Variants in TMEM237 observed in about 807,000 individuals in gnomAD.
TMEM237 encodes amyotrophic lateral sclerosis 2 (juvenile) chromosome region, candidate 4.
In TMEM237, 51 loss-of-function variants were observed where a neutral mutation model predicts 59.1. That is an observed-to-expected ratio of 0.86 (90% CI 0.69 to 1.09). The LOEUF is 1.09. Ranked by LOEUF, TMEM237 falls within the 50% of genes least tolerant of loss-of-function variation. The probability of loss-of-function intolerance (pLI) is 0.00; values close to 1 mark genes in which losing one functional copy is unlikely to be tolerated. For missense variants in TMEM237, 475 were observed against 478.3 expected, an observed-to-expected ratio of 0.99 and a Z score of 0.06; for synonymous variants, 140 against 166.1, an observed-to-expected ratio of 0.84 and a Z score of 1.21.
intron 4 of TMEM237, among the ~76,000 whole-genome samples, chr2:201,637,600 C>T (rs1178506275): frequency 2.0e-5 from 3 of 151,810 alleles, no homozygotes; most frequent in African/African-American, 4.8e-5. Context: ...AAAAATTAGC[C>T]GGGTGTAGTG....
In TMEM237 at chr2:201,632,298, G is replaced by A. The variant is rs546207986; in HGVS notation, c.396-90C>T. 7.9e-6 allele frequency: 11 copies of A among 1,394,306 alleles called. No individual in the cohort carries two copies. The African/African-American group carries it at 1.0e-4, about 13-fold the overall frequency. 86.4% of individuals were successfully genotyped at this position (1,394,306 alleles called of 1,614,324 possible). A position where few individuals can be genotyped will look rare whatever the true frequency, so the allele number is the denominator to read the frequency against. ...AACTAGCTATAAATATAATGGAAAGGGCCCTGGACTTGGAGTTAAGAAATG... is the reference window on the plus strand; with the variant it reads ...AACTAGCTATAAATATAATGGAAAGAGCCCTGGACTTGGAGTTAAGAAATG... On this transcript the variant is annotated intron_variant, in intron 6 of 12. Coordinates refer to ENST00000409883, the MANE Select transcript of TMEM237 (RefSeq NM_001044385.3).
At chr2:201,642,555 G>A in intron 1 of TMEM237, 2 of 1,585,338 alleles carry the variant, frequency 1.3e-6, no homozygotes, top group Non-Finnish European at 1.7e-6. Context: ...AAAGTAGGAC[G>A]GCTCAACTGA....
chr2:201,637,344 C>G (rs1009159043), intron 4 of TMEM237, among the ~76,000 whole-genome samples: 1 of 152,214 alleles, frequency 6.6e-6, no homozygotes, highest in Non-Finnish European at 1.5e-5. Flanking sequence ...TTATAAGTCT[C>G]TTCATTTGGT....
At chr2:201,640,021 T>C (rs1479760728) in intron 3 of TMEM237, among the ~76,000 whole-genome samples, 2 of 152,214 alleles carry the variant, frequency 1.3e-5, no homozygotes, top group Non-Finnish European at 2.9e-5. Flanking sequence ...AGCTACAAAT[T>C]AGCCAACAGT....
At chr2:201,642,846 G>C in intron 1 of TMEM237, 1 of 1,343,558 alleles carries the variant, frequency 7.4e-7, no homozygotes, top group South Asian at 1.9e-5. Flanking sequence ...CTCGGAGTTG[G>C]GGGTAATGTG....
chr2:201,629,492 C>A, intron 8 of TMEM237, 71 bp from the exon 9 acceptor site: 1 of 1,406,574 alleles, frequency 7.1e-7, no homozygotes, highest in South Asian at 1.6e-5. Flanking sequence ...TTTAAAATCT[C>A]TTCATATACA....
chr2:201,626,768 T>C (rs1559584617), intron 11 of TMEM237, among the ~76,000 whole-genome samples: 2 of 152,180 alleles, frequency 1.3e-5, no homozygotes, highest in South Asian at 4.1e-4. Context: ...CTTCCGTCCA[T>C]CATATGATGA....
At chr2:201,636,130 G>T (rs1195987712) in intron 5 of TMEM237, 3 of 152,054 alleles carry the variant, frequency 2.0e-5, no homozygotes, top group African/African-American at 7.2e-5. Context: ...TAAATATCTG[G>T]GTCATTACCA....
chr2:201,630,169 C>T (rs1272016537), intron 7 of TMEM237, among the ~76,000 whole-genome samples: 2 of 152,046 alleles, frequency 1.3e-5, no homozygotes, highest in Non-Finnish European at 2.9e-5. Context: ...GTCTAGAAAT[C>T]TTTAACATGA....
chr2:201,629,341 TCTC>T lies in TMEM237; in HGVS notation c.755_757del (p.Gly252del), dbSNP rs1418330213. 6.2e-7 allele frequency: 1 copy of T among 1,611,086 alleles called. No individual in the cohort carries two copies. Among genetic ancestry groups the T allele is most frequent in the Non-Finnish European group, 8.5e-7 (1 of 1,179,012 alleles). ...AAGGTTTGAGAGGTTGGATAGCTGA[TCTC>T]CTGCTAGAACATATATCACAACAAT... On this transcript the variant is annotated inframe_deletion, in exon 9 of 13. Coordinates refer to ENST00000409883, the MANE Select transcript of TMEM237 (RefSeq NM_001044385.3).
chr2:201,639,001 T>C lies in TMEM237; in HGVS notation c.124A>G (p.Lys42Glu). The C allele has an allele frequency of 6.3e-7, 1 of 1,584,378 alleles. No individual in the cohort carries two copies. Among genetic ancestry groups the C allele is most frequent in the Non-Finnish European group, 8.6e-7 (1 of 1,164,184 alleles). Reference protein sequence around the residue: ...SRPKKKKPRTKNTPASASLEG... With the variant: ...SRPKKKKPRTENTPASASLEG... ...AATAACGTCTTACCTGGTGTGTTTT[T>C]TGTTCTGGGCTTCTTTTTCTTAGGA... The change falls in exon 4 of 13, where the codon AAA becomes GAA. Residue 42 changes from lysine to glutamate, a missense_variant. Lys to Glu is a moderately conservative substitution (Grantham distance 56). Transcript: ENST00000409883.
intron 1 of TMEM237, chr2:201,642,844 T>C: frequency 7.4e-7 from 1 of 1,342,528 alleles, no homozygotes; most frequent in Non-Finnish European, 9.5e-7. Context: ...GCCTCGGAGT[T>C]GGGGGTAATG....
intron 3 of TMEM237, among the ~76,000 whole-genome samples, chr2:201,639,835 C>G (rs1376151803): frequency 6.6e-6 from 1 of 152,044 alleles, no homozygotes; most frequent in Non-Finnish European, 1.5e-5. Context: ...ATTGCTATAT[C>G]AATAGTAAAA....
chr2:201,625,179 G>A (rs1957746904), intron 12 of TMEM237, among the ~76,000 whole-genome samples: 1 of 152,076 alleles, frequency 6.6e-6, no homozygotes, highest in Non-Finnish European at 1.5e-5. Flanking sequence ...TGGCTAACAT[G>A]GTGAAACCCT....
Position 201,621,942 on chromosome 2 carries a change from C to T in TMEM237, c.*2313G>A, listed in dbSNP as rs1159381264. The T allele has an allele frequency of 6.6e-6, 1 of 152,316 alleles. No homozygotes were observed. 9.4% of individuals were successfully genotyped at this position (152,316 alleles called of 1,614,324 possible). ...ACATGCATTAGCAGTGAACTTCTTCCAAACTTCCCTGTCATCACAGTCAAA... is the reference window on the plus strand; with the variant it reads ...ACATGCATTAGCAGTGAACTTCTTCTAAACTTCCCTGTCATCACAGTCAAA... On this transcript the variant is annotated 3_prime_UTR_variant, in exon 13 of 13. Transcript: ENST00000409883.
chr2:201,624,086 A>G lies in TMEM237; in HGVS notation c.*169T>C. 1 of 472,576 alleles carries G rather than the reference A, an allele frequency of 2.1e-6. No homozygotes were observed. The highest frequency in any genetic ancestry group is 3.7e-6 in the Non-Finnish European group (1 of 271,292). The allele number at this position is 472,576 out of a possible 1,614,324, so 29.3% of individuals were successfully genotyped here. On this transcript the variant is annotated 3_prime_UTR_variant, in exon 13 of 13. Coordinates refer to ENST00000409883, the MANE Select transcript of TMEM237 (RefSeq NM_001044385.3). ...ATGCTAGACAAATTAATGTTTAGAC[A>G]TAAACAGCAAACACAATTTTAACAT...
intron 5 of TMEM237, 159 bp downstream of exon 5, chr2:201,636,589 A>G (rs1687300285): frequency 1.3e-5 from 10 of 773,432 alleles, no homozygotes; most frequent in Non-Finnish European, 1.8e-5. Context: ...TCTTGGCTTA[A>G]GCCATTGGAG....
chr2:201,625,952 C>T (rs1183454821), intron 12 of TMEM237, 74 bp downstream of exon 12: 4 of 1,382,298 alleles, frequency 2.9e-6, no homozygotes, highest in Non-Finnish European at 3.9e-6. Flanking sequence ...TAAGCTATAC[C>T]TATTAAAAGG....
rs150294474 is a variant in TMEM237, at chr2:201,629,628, G to C, written c.677+101C>G. 1,080 of 1,474,736 alleles carry C rather than the reference G, an allele frequency of 7.3e-4. 9 individuals are homozygous for C. The African/African-American group carries it at 0.013, about 18-fold the overall frequency. 91.4% of individuals were successfully genotyped at this position (1,474,736 alleles called of 1,614,324 possible). ...ATACCTACCTACCATTTTAAGTTGT[G>C]ATTTCATTAATAATACTGAACAACC... On this transcript the variant is annotated intron_variant, in intron 8 of 12. Transcript: ENST00000409883.
Sources: allele counts gnomAD v4.1 joint callset (sites outside exome capture counted in the v4.1 genomes callset), GRCh38; gene constraint gnomAD v4.1.1; transcripts MANE v1.5; gene names NCBI Gene and HGNC (gene_info 2026-07-23, HGNC 2026-07-21).